Variants in COL24A1 observed in about 807,000 individuals in gnomAD.
The protein encoded by COL24A1 is collagen alpha-1(XXIV) chain.
A neutral mutation model predicts 253.9 loss-of-function variants in COL24A1; 224 were observed. That is an observed-to-expected ratio of 0.88 (90% confidence interval 0.79 to 0.99). COL24A1 has a LOEUF of 0.99. Ranked by LOEUF, COL24A1 falls within the 50% of genes least tolerant of loss-of-function variation. The pLI, the probability that COL24A1 is intolerant of heterozygous loss-of-function variation, is 0.00. For missense variants in COL24A1, 2,131 were observed against 2,068.5 expected (o/e 1.03, Z -0.59); for synonymous variants, 685 against 673.7 (o/e 1.02, Z -0.26).
At chr1:86,137,028 A>T (rs1650363079) in intron 2 of COL24A1, among the ~76,000 whole-genome samples, 3 of 152,142 alleles carry the variant, frequency 2.0e-5, no homozygotes, top group Non-Finnish European at 4.4e-5. Flanking sequence ...AGAAGAAGAA[A>T]GGCTTTCACT....
At position 85,737,412 on chromosome 1, in the gene COL24A1, G is replaced by T; in HGVS notation, c.4766C>A (p.Pro1589His). The T allele has an allele frequency of 1.9e-6, 3 of 1,611,100 alleles. No homozygotes were observed. The highest frequency in any genetic ancestry group is 2.5e-6 in the Non-Finnish European group (3 of 1,177,946). The change falls in exon 58 of 60, where the codon CCT becomes CAT. Residue 1589 changes from proline (P) to histidine (H), a missense_variant. Physicochemically the swap from Pro to His is moderately conservative, Grantham distance 77 (BLOSUM62 -2). Coordinates refer to ENST00000370571, the MANE Select transcript of COL24A1 (RefSeq NM_152890.7). ...GTAACATACCTTTGTTACAGAAACA[G>T]GAGGTAAGCATGTCTGGCCACCAGC... ...FSAGGQTCLP[P>H]VSVTKLEFGV...
chr1:86,049,181 C>T (rs1700131303), intron 11 of COL24A1, among the ~76,000 whole-genome samples: 1 of 152,088 alleles, frequency 6.6e-6, no homozygotes, highest in African/African-American at 2.4e-5. Flanking sequence ...CTATGTTCAC[C>T]AGGGGAAAAT....
intron 55 of COL24A1, 111 bp downstream of exon 55, chr1:85,761,285 A>G: frequency 8.3e-7 from 1 of 1,205,636 alleles, no homozygotes; most frequent in African/African-American, 1.5e-5. Flanking sequence ...AAAAAAGAAC[A>G]GAGGTATCCA....
chr1:85,969,436 C>G (rs1558841340), intron 22 of COL24A1, among the ~76,000 whole-genome samples: 1 of 151,580 alleles, frequency 6.6e-6, no homozygotes, highest in Non-Finnish European at 1.5e-5. Context: ...AAAACCCCAT[C>G]TCTACTAAAA....
chr1:86,130,979 G>A (rs1219528992), intron 2 of COL24A1, among the ~76,000 whole-genome samples: 2 of 151,998 alleles, frequency 1.3e-5, no homozygotes, highest in Admixed American at 6.6e-5. Flanking sequence ...TTTCCCGAGT[G>A]TTGGACTTTT....
At chr1:85,805,234 TA>T (rs1372046706) in intron 47 of COL24A1, among the ~76,000 whole-genome samples, 13 of 152,186 alleles carry the variant, frequency 8.5e-5, no homozygotes, top group African/African-American at 2.6e-4. Flanking sequence ...TTGTTTAAAA[TA>T]ATATTCAAGG....
intron 12 of COL24A1, among the ~76,000 whole-genome samples, chr1:86,042,150 TA>T (rs1699541955): frequency 6.6e-6 from 1 of 152,130 alleles, no homozygotes; most frequent in Non-Finnish European, 1.5e-5. Context: ...AGGAAGTCTT[TA>T]AAAATAATTG....
intron 7 of COL24A1, among the ~76,000 whole-genome samples, chr1:86,067,185 TAGGA>T (rs1300165497): frequency 1.3e-5 from 2 of 149,926 alleles, no homozygotes; most frequent in Non-Finnish European, 3.0e-5. Flanking sequence ...CTTGGAGACA[TAGGA>T]AGGAAGAATT....
At chr1:85,859,975 T>C (rs534829086) in intron 37 of COL24A1, among the ~76,000 whole-genome samples, 1 of 152,196 alleles carries the variant, frequency 6.6e-6, no homozygotes, top group South Asian at 2.1e-4. Flanking sequence ...TTTTATACAA[T>C]TTATATATGT....
chr1:85,859,908 A>G (rs72952549), intron 37 of COL24A1, among the ~76,000 whole-genome samples: 1,569 of 152,178 alleles, frequency 0.01, 29 homozygotes, highest in African/African-American at 0.036. Context: ...CCTTGGGTCC[A>G]GGAGTTTAAG....
intron 42 of COL24A1, among the ~76,000 whole-genome samples, chr1:85,839,318 A>T (rs932933818): frequency 2.6e-5 from 4 of 152,242 alleles, no homozygotes; most frequent in African/African-American, 9.6e-5. Flanking sequence ...ATTGAAAAAG[A>T]TTTAAGCAGG....
rs560794105 is a variant in COL24A1, at chr1:85,762,027, T to G, written c.4375-461A>C. On this transcript the variant is annotated intron_variant, in intron 53 of 59. Transcript: ENST00000370571. Reference sequence around the variant, plus strand: ...ATACTTCTCCATTTTTATTGATAATTAAATGAATGAATGATGTTAAAATTA... The same window carrying G: ...ATACTTCTCCATTTTTATTGATAATGAAATGAATGAATGATGTTAAAATTA... Among the ~76,000 whole-genome samples, 19 of 152,272 alleles carry G rather than the reference T, an allele frequency of 1.2e-4. No homozygotes were observed. The East Asian group carries it at 2.5e-3, about 20-fold the overall frequency.
chr1:85,847,341 C>T (rs1047299954), intron 39 of COL24A1, among the ~76,000 whole-genome samples: 2 of 152,162 alleles, frequency 1.3e-5, no homozygotes, highest in African/African-American at 4.8e-5. Flanking sequence ...TAGTTTTATA[C>T]AGATACTAAA....
At chr1:86,004,954 G>A (rs953915814) in intron 19 of COL24A1, among the ~76,000 whole-genome samples, 1 of 152,172 alleles carries the variant, frequency 6.6e-6, no homozygotes, top group African/African-American at 2.4e-5. Context: ...TGAAACTCAG[G>A]TGATACACTG....
intron 4 of COL24A1, 136 bp downstream of exon 4, chr1:86,115,189 A>G: frequency 1.4e-6 from 1 of 733,612 alleles, no homozygotes; most frequent in Non-Finnish European, 2.2e-6. Context: ...GCTTCTCTTG[A>G]ATTGGCTAAG....
intron 24 of COL24A1, 152 bp from the exon 25 acceptor site, chr1:85,911,585 C>T: frequency 1.5e-6 from 1 of 688,288 alleles, no homozygotes; most frequent in Non-Finnish European, 2.6e-6. Context: ...GCTATGCAGT[C>T]TGTGACTTCA....
chr1:86,013,585 C>T (rs549517595), intron 19 of COL24A1, among the ~76,000 whole-genome samples: 3 of 152,316 alleles, frequency 2.0e-5, no homozygotes, highest in African/African-American at 7.2e-5. Context: ...CCTATAATCC[C>T]AGCATTTTGG....
At chr1:86,145,531 G>A (rs1237571060) in intron 2 of COL24A1, among the ~76,000 whole-genome samples, 1 of 151,924 alleles carries the variant, frequency 6.6e-6, no homozygotes, top group African/African-American at 2.4e-5. Context: ...ATATTACACA[G>A]GAAATAGAAG....
chr1:85,874,646 C>A lies in COL24A1; in HGVS notation c.3138+3G>T. 6.2e-7 allele frequency: 1 copy of A among 1,612,246 alleles called. No individual in the cohort carries two copies. The highest frequency in any genetic ancestry group is 8.5e-7 in the Non-Finnish European group (1 of 1,179,732). On this transcript the variant is annotated splice_donor_region_variant and intron_variant, in intron 35 of 59. Coordinates refer to ENST00000370571, the MANE Select transcript of COL24A1 (RefSeq NM_152890.7). The stretch of plus-strand genomic sequence containing the variant: ...ATTAAAAGAGTTTCAAGGGGGCACT[C>A]ACCCGTAAACCTGGTTCCCCAGTTC...
Sources: gnomAD v4.1 joint callset for allele counts (sites outside exome capture counted in the v4.1 genomes callset) on GRCh38, gnomAD v4.1.1 for gene constraint, MANE v1.5 for transcripts, NCBI Gene and HGNC (gene_info 2026-07-23, HGNC 2026-07-21) for gene names.